WASHC2C: variants seen among roughly 807,000 people sequenced by gnomAD.
WASHC2C encodes WASH complex subunit 2C.
In WASHC2C, 73 loss-of-function variants were observed where a neutral mutation model predicts 142.2. The ratio of observed to expected loss-of-function variants is 0.51; its 90% CI spans 0.43 to 0.62. WASHC2C has a LOEUF of 0.62. Among genes scored for constraint, WASHC2C ranks in the 20% least tolerant of loss-of-function variants. The pLI is 0.00. For synonymous variants in WASHC2C, 337 were observed against 565.5 expected (o/e 0.60, Z 5.73); for missense variants, 969 against 1,531.7 (o/e 0.63, Z 6.13).
intron 3 of WASHC2C, 80 bp from the exon 4 acceptor site, chr10:45,737,903 T>C: frequency 6.2e-7 from 1 of 1,611,636 alleles, no homozygotes; most frequent in Non-Finnish European, 8.5e-7. Flanking sequence ...TTGTCCTTAG[T>C]TACTGTGTGA....
At chr10:45,784,251 T>TATATATAC (rs2057756453) in intron 23 of WASHC2C, among the ~76,000 whole-genome samples, 8 of 23,408 alleles carry the variant, frequency 3.4e-4, no homozygotes, top group African/African-American at 8.7e-4. Context: ...TGTGTGTGTG[T>TATATATAC]GTATATATAT....
chr10:45,786,927 T>C (rs2058086352), intron 27 of WASHC2C, 108 bp from the exon 28 acceptor site: 2 of 1,610,772 alleles, frequency 1.2e-6, no homozygotes, highest in Non-Finnish European at 1.7e-6. Flanking sequence ...GTTTCTCTAC[T>C]CCTCTCGTAT....
At chr10:45,739,458 C>T (rs2051706822) in intron 4 of WASHC2C, among the ~76,000 whole-genome samples, 2 of 151,286 alleles carry the variant, frequency 1.3e-5, no homozygotes, top group Admixed American at 6.6e-5. Context: ...GAAGAAGACA[C>T]CTGAGGGAGA....
intron 20 of WASHC2C, among the ~76,000 whole-genome samples, chr10:45,769,943 C>CT (rs1476034460): frequency 6.6e-6 from 1 of 151,556 alleles, no homozygotes; most frequent in African/African-American, 2.4e-5. Flanking sequence ...GTCAGGATTA[C>CT]TTAAAAGTTA....
intron 17 of WASHC2C, 113 bp from the exon 18 acceptor site, chr10:45,763,275 G>A: frequency 1.7e-6 from 1 of 587,566 alleles, no homozygotes; most frequent in South Asian, 2.0e-5. Flanking sequence ...TCTCAGGAAA[G>A]AAGCCTAGAC....
intron 21 of WASHC2C, among the ~76,000 whole-genome samples, 177 bp from the exon 22 acceptor site, chr10:45,777,076 TGTCCTGTCCACAAGTCCCGG>T (rs2057155036): frequency 6.6e-6 from 1 of 151,688 alleles, no homozygotes; most frequent in Admixed American, 6.6e-5. Flanking sequence ...TGGCGTGAAG[TGTCCTGTCCACAAGTCCCGG>T]GTGGTGGTGT....
rs2597048 is a variant in WASHC2C at position 45,729,168 on chromosome 10, G to A, written c.291+142G>A. ...TGTAGCTTTTTTCTCTGGGATTAAC[G>A]CCTCTTTTTTATTTGTAAAGTTTTA... is the stretch of plus-strand genomic sequence containing the variant. On this transcript the variant is annotated intron_variant, in intron 3 of 30. Coordinates refer to ENST00000623400, the MANE Select transcript of WASHC2C (RefSeq NM_001330074.2). 4.6e-4 allele frequency: 484 copies of A among 1,058,814 alleles called. 2 individuals are homozygous for A. The highest frequency in any genetic ancestry group is 6.1e-5 in the Admixed American group (2 of 32,586). The allele number at this position is 1,058,814 out of a possible 1,614,324, so 65.6% of individuals were successfully genotyped here.
chr10:45,756,357 TA>T (rs1288545238), intron 15 of WASHC2C, among the ~76,000 whole-genome samples: 6 of 151,930 alleles, frequency 3.9e-5, no homozygotes, highest in African/African-American at 1.5e-4. Context: ...CTGTGACAGT[TA>T]AAAAGAAAGG....
intron 23 of WASHC2C, among the ~76,000 whole-genome samples, chr10:45,780,754 CT>C (rs1195938940): frequency 2.1e-4 from 27 of 128,812 alleles, no homozygotes; most frequent in African/African-American, 4.0e-4. Context: ...TAGTAACTTT[CT>C]TTTTTTTTTT....
intron 20 of WASHC2C, among the ~76,000 whole-genome samples, chr10:45,770,016 A>G (rs2610484): frequency 0.032 from 4,623 of 145,418 alleles, 104 homozygotes; most frequent in African/African-American, 0.066. Context: ...CGAGGTGGGC[A>G]GATCACGATG....
chr10:45,764,860 C>T (rs1419006576), intron 18 of WASHC2C, among the ~76,000 whole-genome samples: 1 of 152,116 alleles, frequency 6.6e-6, no homozygotes, highest in Non-Finnish European at 1.5e-5. Flanking sequence ...CCCCAATGGA[C>T]ACCAGCTCAT....
At chr10:45,751,345 G>A (rs1162537305) in intron 10 of WASHC2C, 137 bp from the exon 11 acceptor site, 3 of 1,092,006 alleles carry the variant, frequency 2.7e-6, no homozygotes, top group Admixed American at 2.5e-5. Flanking sequence ...GGAGTTCAGT[G>A]CTCTGGTGCA....
At chr10:45,775,574 G>A (rs1554886104) in intron 21 of WASHC2C, among the ~76,000 whole-genome samples, 1 of 149,602 alleles carries the variant, frequency 6.7e-6, no homozygotes, top group Admixed American at 6.7e-5. Flanking sequence ...CTGGTACTTT[G>A]GGTAGCATTT....
chr10:45,785,044 G>C, intron 25 of WASHC2C, 143 bp downstream of exon 25: 1 of 1,576,444 alleles, frequency 6.3e-7, no homozygotes, highest in Non-Finnish European at 8.7e-7. Context: ...ATGCCGAGGG[G>C]AGCGTGTGTG....
intron 2 of WASHC2C, among the ~76,000 whole-genome samples, chr10:45,727,914 A>G (rs984015472): frequency 7.9e-5 from 12 of 152,254 alleles, no homozygotes; most frequent in Non-Finnish European, 1.6e-4. Flanking sequence ...GGATTCTTCA[A>G]ATCGGGGGCC....
chr10:45,735,158 A>G (rs1433341857), intron 3 of WASHC2C, among the ~76,000 whole-genome samples: 1 of 151,820 alleles, frequency 6.6e-6, no homozygotes, highest in African/African-American at 2.4e-5. Context: ...ATCTGTTTTT[A>G]TTCAGAATTG....
chr10:45,786,805 T>A, intron 27 of WASHC2C, 131 bp downstream of exon 27: 1 of 1,549,644 alleles, frequency 6.5e-7, no homozygotes, highest in Non-Finnish European at 8.9e-7. Flanking sequence ...CTGCACCTAG[T>A]TGTTGTCTCC....
At chr10:45,754,169 C>T (rs558638118) in intron 13 of WASHC2C, among the ~76,000 whole-genome samples, 1 of 152,266 alleles carries the variant, frequency 6.6e-6, no homozygotes, top group Non-Finnish European at 1.5e-5. Context: ...TGGGGGAGCC[C>T]CGGTCATGCT....
intron 3 of WASHC2C, among the ~76,000 whole-genome samples, chr10:45,730,492 C>T (rs1554861796): frequency 7.1e-6 from 1 of 141,214 alleles, no homozygotes; most frequent in East Asian, 2.0e-4. Flanking sequence ...ATAATGTTTT[C>T]ATCAAGATTA....
Sources: gnomAD v4.1 joint callset for allele counts (sites outside exome capture counted in the v4.1 genomes callset) on GRCh38, gnomAD v4.1.1 for gene constraint, MANE v1.5 for transcripts, NCBI Gene and HGNC (gene_info 2026-07-23, HGNC 2026-07-21) for gene names.